Variants in BCAS3 observed in about 807,000 individuals in gnomAD.
BCAS3 encodes BCAS4/BCAS3 fusion.
In BCAS3, 53 loss-of-function variants were observed where a neutral mutation model predicts 116.1. The observed-to-expected ratio is 0.46, with a 90% confidence interval of 0.37 to 0.57. BCAS3 has a LOEUF of 0.57. BCAS3 is among the 20% of genes least tolerant of loss of function. BCAS3 has a pLI of 0.00. For synonymous variants in BCAS3, 391 were observed against 408.2 expected, an observed-to-expected ratio of 0.96 and a Z score of 0.51; for missense variants, 917 against 1,165.4, an observed-to-expected ratio of 0.79 and a Z score of 3.10.
At chr17:60,684,136 G>GT (rs1235283192) in intron 3 of BCAS3, 100 bp downstream of exon 3, 3 of 1,082,714 alleles carry the variant, frequency 2.8e-6, no homozygotes, top group Admixed American at 1.9e-5. Context: ...CTTCCAAAAG[G>GT]TTTTTGATGT....
At chr17:61,175,204 C>A (rs1483252703) in intron 22 of BCAS3, among the ~76,000 whole-genome samples, 2 of 152,054 alleles carry the variant, frequency 1.3e-5, no homozygotes. Flanking sequence ...GGCAGGAGTT[C>A]GAGATCAACC....
At chr17:61,096,429 C>T (rs1192315501) in intron 22 of BCAS3, among the ~76,000 whole-genome samples, 1 of 152,074 alleles carries the variant, frequency 6.6e-6, no homozygotes, top group African/African-American at 2.4e-5. Flanking sequence ...TGGTGGTATG[C>T]ACCTGTAGTC....
intron 4 of BCAS3, among the ~76,000 whole-genome samples, chr17:60,694,582 C>T (rs1350353851): frequency 6.6e-6 from 1 of 151,524 alleles, no homozygotes; most frequent in Non-Finnish European, 1.5e-5. Flanking sequence ...GGGCTCAAGC[C>T]ATCCTTCTGT....
chr17:60,811,631 T>G (rs996880626), intron 7 of BCAS3, among the ~76,000 whole-genome samples: 3 of 152,198 alleles, frequency 2.0e-5, no homozygotes, highest in African/African-American at 7.2e-5. Flanking sequence ...ATGAACTATG[T>G]ATAAAGAATT....
rs2056426558 is a variant in BCAS3 at position 61,333,173 on chromosome 17, C to A, written c.2426-35154C>A. On this transcript the variant is annotated intron_variant, in intron 22 of 23. Coordinates refer to ENST00000407086, the MANE Select transcript of BCAS3 (RefSeq NM_017679.5). The surrounding 1 kb of genome is among the most constrained non-coding windows in gnomAD (Gnocchi z 4.8). ...ATTGGCAGGTGGGTCAGAGAGGACA[C>A]CTGTGTGATCAGAGAAACAAAGTCT... Among the ~76,000 whole-genome samples the A allele has an allele frequency of 6.6e-6, 1 of 152,174 alleles. No homozygotes were observed. Among genetic ancestry groups the A allele is most frequent in the Non-Finnish European group, 1.5e-5 (1 of 68,032 alleles).
intron 6 of BCAS3, among the ~76,000 whole-genome samples, chr17:60,753,744 G>T (rs1264822816): frequency 6.6e-6 from 1 of 152,066 alleles, no homozygotes; most frequent in Non-Finnish European, 1.5e-5. Flanking sequence ...CCATATTGTT[G>T]ATGGTCAGGA....
Position 60,697,996 on chromosome 17 carries a change from G to A in BCAS3, c.214+8235G>A, listed in dbSNP as rs570452851. ...AGATTGAGACCATCCTGGCTAACAC[G>A]GTAAAACCCCGTCTCTACTAAAAAT... is the stretch of plus-strand genomic sequence containing the variant. On this transcript the variant is annotated intron_variant, in intron 4 of 23. Transcript: ENST00000407086. 5.3e-5 allele frequency among the ~76,000 whole-genome samples: 8 copies of A among 151,930 alleles called. No homozygotes were observed. The East Asian group carries it at 5.9e-4, about 11-fold the overall frequency.
intron 19 of BCAS3, chr17:61,069,963 T>G (rs764373961): frequency 6.3e-7 from 1 of 1,575,934 alleles, no homozygotes; most frequent in South Asian, 1.1e-5. Flanking sequence ...TGTTGAAAGG[T>G]GTCCACAGCC....
chr17:60,739,563 T>A (rs192184641), intron 5 of BCAS3, among the ~76,000 whole-genome samples: 6 of 151,944 alleles, frequency 3.9e-5, no homozygotes, highest in Non-Finnish European at 7.4e-5. Flanking sequence ...GAGGTTGCAG[T>A]GAGCTGAGAT....
At chr17:60,754,801 A>G (rs2042848795) in intron 6 of BCAS3, among the ~76,000 whole-genome samples, 1 of 152,134 alleles carries the variant, frequency 6.6e-6, no homozygotes, top group Non-Finnish European at 1.5e-5. Context: ...ACATTTGTTG[A>G]TATTCCTCAC....
intron 7 of BCAS3, among the ~76,000 whole-genome samples, chr17:60,831,916 G>T (rs533792437): frequency 2.0e-5 from 3 of 151,972 alleles, no homozygotes; most frequent in Non-Finnish European, 4.4e-5. Context: ...GAAAAATTCA[G>T]AAGAAAACAT....
chr17:61,300,606 G>A lies in BCAS3; in HGVS notation c.2426-67721G>A, dbSNP rs999971869. ...TGTATGGCAGTAAGTAATGCCATGCGAGGGCAAGCTGGGAACAGTGAACAC... is the reference window on the plus strand; with the variant it reads ...TGTATGGCAGTAAGTAATGCCATGCAAGGGCAAGCTGGGAACAGTGAACAC... On this transcript the variant is annotated intron_variant, in intron 22 of 23. Transcript: ENST00000407086. The surrounding 1 kb of genome is among the most constrained non-coding windows in gnomAD (Gnocchi z 5.1). Among the ~76,000 whole-genome samples the A allele has an allele frequency of 6.6e-6, 1 of 152,186 alleles. No homozygotes were observed. Among genetic ancestry groups the A allele is most frequent in the African/African-American group, 2.4e-5 (1 of 41,432 alleles).
chr17:60,984,710 C>T (rs1342113296), intron 14 of BCAS3, among the ~76,000 whole-genome samples: 1 of 151,876 alleles, frequency 6.6e-6, no homozygotes, highest in Non-Finnish European at 1.5e-5. Context: ...TTGTAGAGTA[C>T]ATGAAATGTT....
chr17:61,362,095 A>C lies in BCAS3; in HGVS notation c.2426-6232A>C, dbSNP rs937771410. Among the ~76,000 whole-genome samples, 3 of 152,230 alleles carry C rather than the reference A, an allele frequency of 2.0e-5. No homozygotes were observed. Among genetic ancestry groups the C allele is most frequent in the African/African-American group, 7.2e-5 (3 of 41,456 alleles). On this transcript the variant is annotated intron_variant, in intron 22 of 23. Coordinates refer to ENST00000407086, the MANE Select transcript of BCAS3 (RefSeq NM_017679.5). The surrounding 1 kb of genome is among the most constrained non-coding windows in gnomAD (Gnocchi z 4.4). ...ATACATGAAATTGACCATTGCACCA[A>C]GAAGAGCTAATGTCCTCAGCCTGTG... is the stretch of plus-strand genomic sequence containing the variant.
In BCAS3 at chr17:61,083,569, G is replaced by A. The variant is rs185676721; in HGVS notation, c.2328-898G>A. Among the ~76,000 whole-genome samples the A allele has an allele frequency of 2.1e-4, 32 of 151,454 alleles. No homozygotes were observed. Among genetic ancestry groups the A allele is most frequent in the Middle Eastern group, 3.4e-3 (1 of 292 alleles). Reference sequence around the variant, plus strand: ...CTAATGCAGCTAGAAAGAGACACTCGGCATTTGGCATTTATATGTTTATTA... The same window carrying A: ...CTAATGCAGCTAGAAAGAGACACTCAGCATTTGGCATTTATATGTTTATTA... On this transcript the variant is annotated intron_variant, in intron 21 of 23. Transcript: ENST00000407086. The surrounding 1 kb of genome is among the most constrained non-coding windows in gnomAD (Gnocchi z 4.9).
rs571204893 is a variant in BCAS3 at position 61,104,356 on chromosome 17, A to G, written c.2425+19792A>G. On this transcript the variant is annotated intron_variant, in intron 22 of 23. Coordinates refer to ENST00000407086, the MANE Select transcript of BCAS3 (RefSeq NM_017679.5). The surrounding 1 kb of genome is among the most constrained non-coding windows in gnomAD (Gnocchi z 4.1). Reference sequence around the variant, plus strand: ...AAACTTTTTAAAAAAAGTTTTTCATATAACTTTTTCATCTTGTATAACTGA... The same window carrying G: ...AAACTTTTTAAAAAAAGTTTTTCATGTAACTTTTTCATCTTGTATAACTGA... 2.6e-5 allele frequency among the ~76,000 whole-genome samples: 4 copies of G among 152,208 alleles called. No individual in the cohort carries two copies. Among genetic ancestry groups the G allele is most frequent in the South Asian group, 2.1e-4 (1 of 4,826 alleles).
At chr17:60,937,210 T>C (rs1430101394) in intron 13 of BCAS3, among the ~76,000 whole-genome samples, 2 of 152,112 alleles carry the variant, frequency 1.3e-5, no homozygotes, top group African/African-American at 2.4e-5. Context: ...GACCTCTTTT[T>C]TTTACCCCTC....
chr17:60,848,466 T>C (rs542986068), intron 7 of BCAS3, among the ~76,000 whole-genome samples: 1 of 152,354 alleles, frequency 6.6e-6, no homozygotes, highest in South Asian at 2.1e-4. Context: ...TCTGGTACTT[T>C]TATAGATTAT....
chr17:61,119,375 C>T (rs1164623837), intron 22 of BCAS3, among the ~76,000 whole-genome samples: 1 of 151,960 alleles, frequency 6.6e-6, no homozygotes, highest in African/African-American at 2.4e-5. Flanking sequence ...GTGATTTATC[C>T]CATATTATAA....
Sources: gnomAD v4.1 joint callset for allele counts (sites outside exome capture counted in the v4.1 genomes callset) on GRCh38, gnomAD v4.1.1 for gene constraint, Gnocchi (gnomAD v3.1) non-coding constraint, MANE v1.5 for transcripts, NCBI Gene and HGNC (gene_info 2026-07-23, HGNC 2026-07-21) for gene names.